Variants in HMG20A observed in about 807,000 individuals in gnomAD.
HMG20A encodes the protein high mobility group protein 20A.
A neutral mutation model predicts 43.9 loss-of-function variants in HMG20A; 17 were observed. The observed-to-expected ratio is 0.39, with a 90% CI of 0.27 to 0.58. HMG20A has a LOEUF of 0.58. HMG20A is among the 20% of genes least tolerant of loss of function. HMG20A has a pLI of 0.59. For missense variants in HMG20A, 341 were observed against 438.2 expected, an observed-to-expected ratio of 0.78 and a Z score of 1.98; for synonymous variants, 132 against 147.5, an observed-to-expected ratio of 0.89 and a Z score of 0.76.
intron 1 of HMG20A, among the ~76,000 whole-genome samples, chr15:77,442,286 C>G (rs1280224321): frequency 6.6e-6 from 1 of 152,162 alleles, no homozygotes; most frequent in Non-Finnish European, 1.5e-5. Context: ...TGAGTTAGAA[C>G]TTCTCAATAT....
the HMG20A span, among the ~76,000 whole-genome samples, chr15:77,519,049 G>A: frequency 2.0e-4 from 30 of 152,244 alleles, no homozygotes; most frequent in African/African-American, 4.3e-4. Context: ...AAACCAGCCC[G>A]GGTCACGCAG....
At chr15:77,478,543 A>G in intron 8 of HMG20A, 33 bp downstream of exon 8, 1 of 1,567,204 alleles carries the variant, frequency 6.4e-7, no homozygotes, top group Non-Finnish European at 8.7e-7. Flanking sequence ...TGTCAGTGAC[A>G]GGGGTGTGTG....
chr15:77,426,481 A>G (rs193012991), intron 1 of HMG20A, among the ~76,000 whole-genome samples: 3 of 152,326 alleles, frequency 2.0e-5, no homozygotes, highest in African/African-American at 7.2e-5. Flanking sequence ...ACTATTTATT[A>G]TTCGTTAAGT....
chr15:77,499,326 C>G, the HMG20A span, among the ~76,000 whole-genome samples: 21 of 152,324 alleles, frequency 1.4e-4, no homozygotes, highest in Middle Eastern at 3.4e-3. Flanking sequence ...CAGGGCTTCT[C>G]CATCTGGCAT....
At chr15:77,508,277 T>C in the HMG20A span, among the ~76,000 whole-genome samples, 1 of 152,144 alleles carries the variant, frequency 6.6e-6, no homozygotes, top group Non-Finnish European at 1.5e-5. Flanking sequence ...CAGCACCTGC[T>C]TGTCTCATAT....
chr15:77,466,520 A>ATGCTATC (rs1555510408), intron 3 of HMG20A, among the ~76,000 whole-genome samples: 2 of 152,254 alleles, frequency 1.3e-5, no homozygotes, highest in Non-Finnish European at 2.9e-5. Context: ...CTGCTATGCT[A>ATGCTATC]TGCTATCTGC....
intron 9 of HMG20A, among the ~76,000 whole-genome samples, chr15:77,480,085 G>A (rs182419353): frequency 6.6e-6 from 1 of 152,050 alleles, no homozygotes; most frequent in East Asian, 1.9e-4. Flanking sequence ...TGGAGTCCAG[G>A]TTCAAGACCA....
At chr15:77,447,039 A>C (rs922420713) in intron 1 of HMG20A, among the ~76,000 whole-genome samples, 1 of 152,176 alleles carries the variant, frequency 6.6e-6, no homozygotes, top group African/African-American at 2.4e-5. Context: ...TTACCGTTTC[A>C]TAGTACACCC....
At chr15:77,465,400 G>GTT (rs71145838) in intron 3 of HMG20A, among the ~76,000 whole-genome samples, 48,023 of 137,196 alleles carry the variant, frequency 0.35, 8,790 homozygotes, top group Non-Finnish European at 0.44. Flanking sequence ...GTTGTTTTTT[G>GTT]TTTTTTTTTT....
chr15:77,444,284 A>G (rs1483218847), intron 1 of HMG20A, among the ~76,000 whole-genome samples: 4 of 152,188 alleles, frequency 2.6e-5, no homozygotes, highest in African/African-American at 9.7e-5. Flanking sequence ...ACTTGCTAAC[A>G]CAGGCAAATG....
At chr15:77,446,999 C>T (rs925901937) in intron 1 of HMG20A, among the ~76,000 whole-genome samples, 2 of 152,126 alleles carry the variant, frequency 1.3e-5, no homozygotes, top group Non-Finnish European at 2.9e-5. Flanking sequence ...TACCAGCATT[C>T]CCCATCCCAG....
intron 1 of HMG20A, among the ~76,000 whole-genome samples, chr15:77,455,595 T>C (rs2072646711): frequency 6.6e-6 from 1 of 152,138 alleles, no homozygotes; most frequent in Non-Finnish European, 1.5e-5. Context: ...AACATCTGCA[T>C]GATAGACCTG....
At chr15:77,422,525 A>G (rs938409573) in intron 1 of HMG20A, among the ~76,000 whole-genome samples, 1 of 152,158 alleles carries the variant, frequency 6.6e-6, no homozygotes, top group Non-Finnish European at 1.5e-5. Context: ...CTGAGGCAGG[A>G]GAATTGCTTG....
downstream of HMG20A, chr15:77,485,700 A>C (rs1375579970): frequency 6.6e-6 from 1 of 152,172 alleles, no homozygotes; most frequent in Non-Finnish European, 1.5e-5. Context: ...TTGGAAGGCC[A>C]AGGCAGGCAG....
At chr15:77,463,246 G>C (rs2072722354) in intron 2 of HMG20A, among the ~76,000 whole-genome samples, 1 of 151,940 alleles carries the variant, frequency 6.6e-6, no homozygotes, top group African/African-American at 2.4e-5. Flanking sequence ...TCATCTTTTA[G>C]GACCTCCTCT....
chr15:77,458,594 G>A (rs2072678230), intron 2 of HMG20A, 98 bp downstream of exon 2: 1 of 723,374 alleles, frequency 1.4e-6, no homozygotes, highest in African/African-American at 1.8e-5. Context: ...TATATCATAA[G>A]AATAGACGGT....
intron 1 of HMG20A, among the ~76,000 whole-genome samples, chr15:77,446,639 C>T (rs1333285549): frequency 7.2e-5 from 11 of 152,008 alleles, no homozygotes; most frequent in Admixed American, 7.2e-4. Context: ...AACCCCATCT[C>T]TACTAAAAAT....
chr15:77,466,696 G>A (rs925521925), intron 3 of HMG20A, among the ~76,000 whole-genome samples: 2 of 152,190 alleles, frequency 1.3e-5, no homozygotes, highest in Non-Finnish European at 2.9e-5. Context: ...AATGCTGCAT[G>A]TGCTGCTGTA....
chr15:77,452,330 G>A (rs1167857530), intron 1 of HMG20A, among the ~76,000 whole-genome samples: 3 of 152,088 alleles, frequency 2.0e-5, no homozygotes, highest in Admixed American at 6.6e-5. Context: ...TATAACTAAG[G>A]GTTAGAAAAG....
Sources: allele counts gnomAD v4.1 joint callset (sites outside exome capture counted in the v4.1 genomes callset), GRCh38; gene constraint gnomAD v4.1.1; transcripts MANE v1.5; gene names NCBI Gene and HGNC (gene_info 2026-07-23, HGNC 2026-07-21).